Variants in RBM46 observed in about 807,000 individuals in gnomAD.
RBM46 encodes the protein RNA binding motif protein 46.
In RBM46, 12 loss-of-function variants were observed where a neutral mutation model predicts 43.3. The observed-to-expected ratio is 0.28, with a 90% CI of 0.18 to 0.45. The LOEUF (loss-of-function observed/expected upper bound fraction) is 0.45, where lower values mean the gene tolerates loss of function less well. Ranked by LOEUF, RBM46 falls within the 20% of genes least tolerant of loss-of-function variation. The probability of loss-of-function intolerance (pLI) is 1.00; values close to 1 mark genes in which losing one functional copy is unlikely to be tolerated. For synonymous variants in RBM46, 205 were observed against 207.6 expected (o/e 0.99, Z 0.11); for missense variants, 412 against 639.1 (o/e 0.64, Z 3.83).
At chr4:154,808,009 A>T (rs528659607) in intron 4 of RBM46, among the ~76,000 whole-genome samples, 1 of 152,000 alleles carries the variant, frequency 6.6e-6, no homozygotes, top group East Asian at 1.9e-4. Flanking sequence ...TTGATTCAGT[A>T]AATATAATCT....
At chr4:154,803,922 A>G (rs1373273902) in intron 4 of RBM46, among the ~76,000 whole-genome samples, 1 of 151,914 alleles carries the variant, frequency 6.6e-6, no homozygotes, top group Non-Finnish European at 1.5e-5. Flanking sequence ...TTTCTCATGA[A>G]TGGTTTAGCA....
chr4:154,788,275 C>G (rs1733887097), intron 1 of RBM46, among the ~76,000 whole-genome samples: 2 of 152,212 alleles, frequency 1.3e-5, no homozygotes, highest in African/African-American at 4.8e-5. Context: ...CCTGTGTCCT[C>G]AATGGTATTG....
chr4:154,826,756 T>C lies in RBM46; in HGVS notation c.1403-1112T>C, dbSNP rs1735984633. Reference sequence around the variant, plus strand: ...CATTTTTCCTTTTTTTTTTTTTTTTTTCCTGAACTAGGTCCTTTCTGATGT... The same window carrying C: ...CATTTTTCCTTTTTTTTTTTTTTTTCTCCTGAACTAGGTCCTTTCTGATGT... On this transcript the variant is annotated intron_variant, in intron 4 of 4. Coordinates refer to ENST00000281722, the MANE Select transcript of RBM46 (RefSeq NM_144979.5). 5.3e-6 allele frequency: 7 copies of C among 1,330,002 alleles called. No individual in the cohort carries two copies. In the East Asian group the frequency reaches 1.8e-4, roughly 34 times the overall value. 82.4% of individuals were successfully genotyped at this position (1,330,002 alleles called of 1,614,324 possible). A position where few individuals can be genotyped will look rare whatever the true frequency, so the allele number is the denominator to read the frequency against.
intron 4 of RBM46, among the ~76,000 whole-genome samples, chr4:154,826,383 A>G (rs2111226349): frequency 6.6e-6 from 1 of 152,198 alleles, no homozygotes; most frequent in South Asian, 2.1e-4. Context: ...GCTTGAACCC[A>G]GGAGGTGGAG....
intron 4 of RBM46, among the ~76,000 whole-genome samples, chr4:154,807,602 G>A (rs1417508850): frequency 6.6e-6 from 1 of 151,794 alleles, no homozygotes; most frequent in Non-Finnish European, 1.5e-5. Context: ...ATCAAACATA[G>A]TATCTGCCCT....
intron 4 of RBM46, chr4:154,826,847 C>A: frequency 1.3e-6 from 2 of 1,499,910 alleles, no homozygotes; most frequent in South Asian, 1.3e-5. Context: ...CCCATGACAA[C>A]ATTAAGTTAA....
At chr4:154,794,341 C>T (rs371598756) in intron 1 of RBM46, among the ~76,000 whole-genome samples, 7 of 152,014 alleles carry the variant, frequency 4.6e-5, no homozygotes, top group Middle Eastern at 3.4e-3. Context: ...CCACCACGCC[C>T]GGCTAAATTT....
At chr4:154,795,044 A>G (rs544189834) in intron 1 of RBM46, among the ~76,000 whole-genome samples, 1 of 152,218 alleles carries the variant, frequency 6.6e-6, no homozygotes, top group African/African-American at 2.4e-5. Context: ...GAACAAATGA[A>G]TGCATTTTGA....
intron 4 of RBM46, among the ~76,000 whole-genome samples, chr4:154,826,415 AC>A (rs1735965403): frequency 6.6e-6 from 1 of 152,106 alleles, no homozygotes. Flanking sequence ...CTGAGACCGC[AC>A]CATTGCACCC....
intron 4 of RBM46, among the ~76,000 whole-genome samples, chr4:154,823,398 G>A (rs1337213570): frequency 6.6e-6 from 1 of 151,848 alleles, no homozygotes; most frequent in Non-Finnish European, 1.5e-5. Flanking sequence ...GGATGGATAT[G>A]GTGGTAGAAC....
intron 4 of RBM46, among the ~76,000 whole-genome samples, chr4:154,818,527 A>G (rs1263894134): frequency 1.3e-5 from 2 of 152,062 alleles, no homozygotes; most frequent in African/African-American, 2.4e-5. Context: ...CTTTTTATCT[A>G]TGATTTTCAG....
intron 4 of RBM46, among the ~76,000 whole-genome samples, chr4:154,808,853 A>C (rs1165533398): frequency 6.6e-6 from 1 of 152,082 alleles, no homozygotes; most frequent in Non-Finnish European, 1.5e-5. Flanking sequence ...GTGTGAACTT[A>C]GGTGTGTGTA....
rs1185385049 is a variant in RBM46, at chr4:154,796,075, G to A, written c.-11-667G>A. On this transcript the variant is annotated intron_variant, in intron 1 of 4. Transcript: ENST00000281722. ...CCCAGCTACTTGGGGGACTGAGGTG[G>A]GAGAATCACTTGAGACCAGGAAGCC... Among the ~76,000 whole-genome samples, 6 of 152,230 alleles carry A rather than the reference G, an allele frequency of 3.9e-5. No homozygotes were observed. The South Asian group carries it at 8.3e-4, about 21-fold the overall frequency.
At chr4:154,812,706 A>G (rs968029167) in intron 4 of RBM46, among the ~76,000 whole-genome samples, 1 of 152,190 alleles carries the variant, frequency 6.6e-6, no homozygotes, top group Non-Finnish European at 1.5e-5. Flanking sequence ...CTATTGTAGT[A>G]TAATCAAATA....
intron 4 of RBM46, among the ~76,000 whole-genome samples, chr4:154,818,656 T>C (rs1206057420): frequency 6.6e-6 from 1 of 151,550 alleles, no homozygotes; most frequent in Admixed American, 6.6e-5. Context: ...TTATTGTGTT[T>C]TCAAATACTG....
At position 154,822,010 on chromosome 4, in the gene RBM46, G is replaced by A. The variant is rs156567; in HGVS notation, c.1403-5858G>A. Among the ~76,000 whole-genome samples, 701 of 151,856 alleles carry A rather than the reference G, an allele frequency of 4.6e-3. 10 individuals are homozygous for A. Among genetic ancestry groups the A allele is most frequent in the African/African-American group, 0.016 (661 of 41,496 alleles). On this transcript the variant is annotated intron_variant, in intron 4 of 4. Coordinates refer to ENST00000281722, the MANE Select transcript of RBM46 (RefSeq NM_144979.5). ...TTTAAGAAATTCTTGCACTTTAATT[G>A]TATGGGATGTAGTTTGGGAAATACT...
chr4:154,805,592 A>G (rs1734869755), intron 4 of RBM46, among the ~76,000 whole-genome samples: 1 of 151,998 alleles, frequency 6.6e-6, no homozygotes, highest in Admixed American at 6.6e-5. Flanking sequence ...TGAAAGTTAC[A>G]CTTTTGTGAA....
chr4:154,820,443 A>G (rs1228178822), intron 4 of RBM46: 2 of 1,370,574 alleles, frequency 1.5e-6, no homozygotes, highest in Non-Finnish European at 2.0e-6. Context: ...ATTAGGTAAA[A>G]CTCTCTTAGG....
intron 4 of RBM46, among the ~76,000 whole-genome samples, chr4:154,821,214 T>G (rs1735706442): frequency 6.6e-6 from 1 of 151,850 alleles, no homozygotes. Flanking sequence ...TTTACAGATC[T>G]TAATCTTAGC....
Sources: gnomAD v4.1 joint callset for allele counts (sites outside exome capture counted in the v4.1 genomes callset) on GRCh38, gnomAD v4.1.1 for gene constraint, MANE v1.5 for transcripts, NCBI Gene and HGNC (gene_info 2026-07-23, HGNC 2026-07-21) for gene names.